SLC17A1: variants seen among roughly 807,000 people sequenced by gnomAD.
SLC17A1 encodes the protein solute carrier family 17 member 1, also known as sodium-dependent phosphate transport protein 1.
In SLC17A1, 51 loss-of-function variants were observed where a neutral mutation model predicts 53.5. The observed-to-expected ratio is 0.95, with a 90% CI of 0.76 to 1.20. The LOEUF (loss-of-function observed/expected upper bound fraction) is 1.20, where lower values mean the gene tolerates loss of function less well. Ranked by LOEUF, SLC17A1 falls within the 50% of genes most tolerant of loss-of-function variation. SLC17A1 has a pLI of 0.00. For missense variants in SLC17A1, 538 were observed against 568.2 expected, an observed-to-expected ratio of 0.95 and a Z score of 0.54; for synonymous variants, 179 against 198.8, an observed-to-expected ratio of 0.90 and a Z score of 0.84.
At chr6:25,770,402 C>T in the SLC17A1 span, 1 of 1,614,024 alleles carries the variant, frequency 6.2e-7, no homozygotes, top group Non-Finnish European at 8.5e-7. Flanking sequence ...ATTAACTGGT[C>T]AGTATTCAAT....
At chr6:25,830,006 A>G (rs1383538976) in intron 2 of SLC17A1, among the ~76,000 whole-genome samples, 1 of 152,208 alleles carries the variant, frequency 6.6e-6, no homozygotes, top group African/African-American at 2.4e-5. Context: ...TTGAAAAAGT[A>G]TACAATCTAT....
At chr6:25,726,244 T>A in the SLC17A1 span, 1 of 1,613,944 alleles carries the variant, frequency 6.2e-7, no homozygotes. Context: ...CAAAAGCTTA[T>A]TGAGTTCCTC....
At chr6:25,773,614 T>C in the SLC17A1 span, 1 of 1,613,986 alleles carries the variant, frequency 6.2e-7, no homozygotes, top group East Asian at 2.2e-5. Flanking sequence ...GGCTTTTTTA[T>C]ACCATTATGG....
chr6:25,820,993 C>A (rs1764540759), intron 3 of SLC17A1, among the ~76,000 whole-genome samples: 2 of 151,648 alleles, frequency 1.3e-5, no homozygotes, highest in African/African-American at 4.9e-5. Context: ...GTTTTTGGAC[C>A]CACTTAACAG....
chr6:25,800,969 A>C lies in SLC17A1; in HGVS notation c.1190T>G (p.Phe397Cys), dbSNP rs1581460382. Reference sequence around the variant, plus strand: ...AGTTAAAGTTGAACATGCTTTAATAAATCCAAAATATCTATGCATAAAAGA... The same window carrying C: ...AGTTAAAGTTGAACATGCTTTAATACATCCAAAATATCTATGCATAAAAGA... Reference protein sequence around the residue: ...GLDIAPRYFGFIKACSTLTGM... With the variant: ...GLDIAPRYFGCIKACSTLTGM... Residue 397 changes from phenylalanine to cysteine, a missense_variant, in exon 11 of 13, where the codon TTT (phenylalanine) becomes TGT (cysteine). Transcript: ENST00000244527. 1.3e-6 allele frequency: 2 copies of C among 1,573,596 alleles called. No homozygotes were observed. The highest frequency in any genetic ancestry group is 1.7e-6 in the Non-Finnish European group (2 of 1,143,372).
chr6:25,763,687 G>A, the SLC17A1 span, among the ~76,000 whole-genome samples: 8 of 152,188 alleles, frequency 5.3e-5, no homozygotes, highest in African/African-American at 1.7e-4. Context: ...ACCTGCTTAT[G>A]CAAAGTAACT....
At chr6:25,799,961 G>A (rs981277801) in intron 11 of SLC17A1, among the ~76,000 whole-genome samples, 3 of 152,174 alleles carry the variant, frequency 2.0e-5, no homozygotes, top group Non-Finnish European at 2.9e-5. Flanking sequence ...AGATTGTGGT[G>A]GTGGAAGACT....
the SLC17A1 span, among the ~76,000 whole-genome samples, chr6:25,743,922 G>C: frequency 6.6e-6 from 1 of 152,180 alleles, no homozygotes; most frequent in Admixed American, 6.5e-5. Context: ...TGACTGGAGG[G>C]AGAAGAGAGT....
chr6:25,797,746 C>T (rs1457108965), intron 12 of SLC17A1, among the ~76,000 whole-genome samples: 6 of 151,898 alleles, frequency 4.0e-5, no homozygotes, highest in Admixed American at 3.9e-4. Context: ...ATTACAGGTG[C>T]CCACCACCGC....
intron 12 of SLC17A1, among the ~76,000 whole-genome samples, chr6:25,789,385 G>A (rs1263899183): frequency 1.3e-5 from 2 of 152,122 alleles, no homozygotes; most frequent in Non-Finnish European, 2.9e-5. Flanking sequence ...AAAGTCTGAT[G>A]TAGGATGAAA....
intron 11 of SLC17A1, among the ~76,000 whole-genome samples, chr6:25,799,775 A>C (rs1010767767): frequency 1.3e-5 from 2 of 152,186 alleles, no homozygotes; most frequent in African/African-American, 4.8e-5. Flanking sequence ...CAACTTTTGG[A>C]AGTCAGCTCT....
At chr6:25,772,288 C>T in the SLC17A1 span, among the ~76,000 whole-genome samples, 7 of 152,286 alleles carry the variant, frequency 4.6e-5, no homozygotes, top group East Asian at 1.2e-3. Context: ...TAAATATTAA[C>T]ATCCTCCAAC....
At chr6:25,780,808 A>ATTAT (rs1763250145), downstream of SLC17A1, 1 of 152,110 alleles carries the variant, frequency 6.6e-6, no homozygotes. Context: ...ATTTAGGTGG[A>ATTAT]TTATTTGATT....
At chr6:25,729,199 C>T in the SLC17A1 span, among the ~76,000 whole-genome samples, 3 of 152,196 alleles carry the variant, frequency 2.0e-5, no homozygotes, top group African/African-American at 4.8e-5. Context: ...CTTCATGTAG[C>T]TTTTATATCA....
chr6:25,823,729 C>CA (rs1446778464), intron 3 of SLC17A1, among the ~76,000 whole-genome samples: 1 of 151,918 alleles, frequency 6.6e-6, no homozygotes, highest in African/African-American at 2.4e-5. Context: ...GTGCCCCTGT[C>CA]ACTGGCTTGT....
chr6:25,779,932 T>A (rs1447356586), downstream of SLC17A1: 1 of 152,258 alleles, frequency 6.6e-6, no homozygotes, highest in Non-Finnish European at 1.5e-5. Context: ...CATGTAGCAC[T>A]GCTTTTGGAC....
chr6:25,790,896 C>T (rs373960948), intron 12 of SLC17A1, among the ~76,000 whole-genome samples: 35 of 152,136 alleles, frequency 2.3e-4, no homozygotes, highest in East Asian at 1.9e-3. Context: ...TTATTCAAAA[C>T]GAAACCAACA....
At chr6:25,733,273 C>T in the SLC17A1 span, among the ~76,000 whole-genome samples, 1 of 152,078 alleles carries the variant, frequency 6.6e-6, no homozygotes, top group African/African-American at 2.4e-5. Flanking sequence ...GATGGGGAAT[C>T]ATATTTTGGG....
At chr6:25,725,490 A>C in the SLC17A1 span, among the ~76,000 whole-genome samples, 1 of 152,250 alleles carries the variant, frequency 6.6e-6, no homozygotes, top group Non-Finnish European at 1.5e-5. Flanking sequence ...TCTAAAATGT[A>C]CTTTAACCAG....
Sources: gnomAD v4.1 joint callset for allele counts (sites outside exome capture counted in the v4.1 genomes callset) on GRCh38, gnomAD v4.1.1 for gene constraint, MANE v1.5 for transcripts, NCBI Gene and HGNC (gene_info 2026-07-23, HGNC 2026-07-21) for gene names.